Variants in GAD2 observed in about 807,000 individuals in gnomAD.
GAD2 encodes 65 kDa glutamic acid decarboxylase.
A neutral mutation model predicts 80.1 loss-of-function variants in GAD2; 22 were observed. That is an observed-to-expected ratio of 0.27 (90% CI 0.20 to 0.39). The LOEUF is 0.39. Among genes scored for constraint, GAD2 ranks in the 10% least tolerant of loss-of-function variants. GAD2 has a pLI of 1.00. For synonymous variants in GAD2, 274 were observed against 256.9 expected (o/e 1.07, Z -0.64); for missense variants, 624 against 738.4 (o/e 0.85, Z 1.80).
At chr10:26,223,744 C>A (rs779403611) in intron 4 of GAD2, 143 bp from the exon 5 acceptor site, 3 of 554,828 alleles carry the variant, frequency 5.4e-6, no homozygotes, top group Non-Finnish European at 9.8e-6. Context: ...TGCATACACA[C>A]GTGTGTACAT....
chr10:26,303,431 AGAGTAAGG>A lies in GAD2; in HGVS notation c.*2474_*2481del, dbSNP rs1180274096. On this transcript the variant is annotated 3_prime_UTR_variant, in exon 16 of 16. Transcript: ENST00000376261. ...AGGAGATGTGGAATCAGGTCAGAAG[AGAGTAAGG>A]GAGGAAGGGAGGGAGGGAGGGAGGG... is the stretch of plus-strand genomic sequence containing the variant. 3 of 124,894 alleles carry A rather than the reference AGAGTAAGG, an allele frequency of 2.4e-5. No homozygotes were observed. The highest frequency in any genetic ancestry group is 4.8e-5 in the Non-Finnish European group (3 of 62,282). The allele number at this position is 124,894 out of a possible 1,614,324, so 7.7% of individuals were successfully genotyped here. A position where few individuals can be genotyped will look rare whatever the true frequency, so the allele number is the denominator to read the frequency against.
At chr10:26,253,852 C>T (rs533320026) in intron 8 of GAD2, among the ~76,000 whole-genome samples, 16 of 152,078 alleles carry the variant, frequency 1.1e-4, no homozygotes, top group African/African-American at 3.9e-4. Flanking sequence ...AGGCAGACGC[C>T]ACAGCACATT....
At chr10:26,292,746 T>G (rs560431577) in intron 14 of GAD2, among the ~76,000 whole-genome samples, 156 bp from the exon 15 acceptor site, 1 of 152,218 alleles carries the variant, frequency 6.6e-6, no homozygotes, top group Non-Finnish European at 1.5e-5. Context: ...AAGTGGTCCA[T>G]ATAACGTTGT....
At chr10:26,248,570 C>A (rs1424604544) in intron 8 of GAD2, among the ~76,000 whole-genome samples, 1 of 152,208 alleles carries the variant, frequency 6.6e-6, no homozygotes, top group Non-Finnish European at 1.5e-5. Flanking sequence ...GTGGTTCTAA[C>A]TTCCTCAGAA....
intron 8 of GAD2, among the ~76,000 whole-genome samples, chr10:26,262,911 G>A (rs1845026143): frequency 6.6e-6 from 1 of 151,990 alleles, no homozygotes; most frequent in Non-Finnish European, 1.5e-5. Context: ...TTGGGGAGAA[G>A]GAGGAGTAAT....
At chr10:26,234,084 G>T (rs1844640293) in intron 7 of GAD2, among the ~76,000 whole-genome samples, 1 of 152,116 alleles carries the variant, frequency 6.6e-6, no homozygotes, top group Non-Finnish European at 1.5e-5. Context: ...AGCACTTTGG[G>T]AGGCTGAGGC....
At chr10:26,223,709 ATG>A (rs368846977) in intron 4 of GAD2, among the ~76,000 whole-genome samples, 176 bp from the exon 5 acceptor site, 89 of 147,510 alleles carry the variant, frequency 6.0e-4, no homozygotes, top group South Asian at 1.3e-3. Flanking sequence ...GTGTATGTGC[ATG>A]TGTGTGTGTG....
At position 26,217,883 on chromosome 10, in the gene GAD2, G is replaced by A. The variant is rs773194823; in HGVS notation, c.178G>A (p.Gly60Arg). 2.1e-5 allele frequency: 34 copies of A among 1,607,370 alleles called. No homozygotes were observed. Among genetic ancestry groups the A allele is most frequent in the Non-Finnish European group, 2.0e-5 (24 of 1,177,248 alleles). ...CGCCGAGAAGCCGGCGGAGAGCGGC[G>A]GGAGCCAACCCCCGCGGGCCGCCGC... ...GDAEKPAESG[G>R]SQPPRAAARK... is the part of the protein sequence containing the mutation. Residue 60 changes from glycine (G) to arginine (R), a missense_variant, in exon 3 of 16, where the codon GGG becomes AGG. Coordinates refer to ENST00000376261, the MANE Select transcript of GAD2 (RefSeq NM_001134366.2). This position sits in a 1 kb window ranked among gnomAD's most constrained non-coding sequence, Gnocchi z 4.9.
intron 6 of GAD2, among the ~76,000 whole-genome samples, chr10:26,226,209 A>C (rs1564656525): frequency 6.6e-6 from 1 of 152,198 alleles, no homozygotes; most frequent in Non-Finnish European, 1.5e-5. Flanking sequence ...TTTGACTAAC[A>C]GCTAGGCCTA....
intron 8 of GAD2, among the ~76,000 whole-genome samples, chr10:26,247,031 G>T (rs1318613666): frequency 6.6e-6 from 1 of 152,194 alleles, no homozygotes; most frequent in Non-Finnish European, 1.5e-5. Context: ...CGCGCAAGAA[G>T]GAATTCAGGG....
intron 12 of GAD2, among the ~76,000 whole-genome samples, chr10:26,282,023 ATC>A (rs1564670433): frequency 3.3e-5 from 5 of 152,190 alleles, no homozygotes. Context: ...GCACACTGCG[ATC>A]TCTGCCTCCT....
At chr10:26,297,742 C>T (rs912727252) in intron 15 of GAD2, among the ~76,000 whole-genome samples, 10 of 152,152 alleles carry the variant, frequency 6.6e-5, no homozygotes, top group Non-Finnish European at 1.5e-5. Context: ...GAGACAGCCT[C>T]CAGCATGTGT....
At chr10:26,218,972 C>A in intron 3 of GAD2, 71 bp from the exon 4 acceptor site, 1 of 1,110,188 alleles carries the variant, frequency 9.0e-7, no homozygotes, top group Non-Finnish European at 1.3e-6. Flanking sequence ...AATGTTATTG[C>A]CTCATCAAGA....
chr10:26,251,620 G>A (rs1159918493), intron 8 of GAD2, among the ~76,000 whole-genome samples: 1 of 152,154 alleles, frequency 6.6e-6, no homozygotes, highest in Non-Finnish European at 1.5e-5. Context: ...ACGTCCTTAT[G>A]CATCCATAGC....
intron 8 of GAD2, among the ~76,000 whole-genome samples, chr10:26,256,294 C>G (rs888795079): frequency 1.4e-4 from 21 of 152,036 alleles, no homozygotes; most frequent in African/African-American, 4.6e-4. Flanking sequence ...TCCTTGCAGA[C>G]ATCACGCTGT....
At chr10:26,282,689 T>C (rs1411122224) in intron 12 of GAD2, among the ~76,000 whole-genome samples, 1 of 152,178 alleles carries the variant, frequency 6.6e-6, no homozygotes, top group East Asian at 1.9e-4. Flanking sequence ...TTTGATCACA[T>C]TCCTGATTAT....
At chr10:26,288,775 G>A (rs1445102576) in intron 13 of GAD2, among the ~76,000 whole-genome samples, 1 of 152,052 alleles carries the variant, frequency 6.6e-6, no homozygotes, top group African/African-American at 2.4e-5. Context: ...ATAGGAAAAC[G>A]TTTCTCTCAT....
chr10:26,296,296 C>T (rs897626446), intron 15 of GAD2, among the ~76,000 whole-genome samples: 1 of 152,158 alleles, frequency 6.6e-6, no homozygotes, highest in Non-Finnish European at 1.5e-5. Flanking sequence ...CAGAAAAATT[C>T]AGTCTATAGC....
At chr10:26,295,505 C>T (rs78970316) in intron 15 of GAD2, among the ~76,000 whole-genome samples, 10,296 of 142,506 alleles carry the variant, frequency 0.072, 445 homozygotes, top group Non-Finnish European at 0.1. Context: ...TATTCATACG[C>T]ATGCACACAC....
Sources: gnomAD v4.1 joint callset for allele counts (sites outside exome capture counted in the v4.1 genomes callset) on GRCh38, gnomAD v4.1.1 for gene constraint, Gnocchi (gnomAD v3.1) non-coding constraint, MANE v1.5 for transcripts, NCBI Gene and HGNC (gene_info 2026-07-23, HGNC 2026-07-21) for gene names.